Variants in SP110 observed in about 807,000 individuals in gnomAD.
SP110 encodes the protein SP110 nuclear body protein.
SP110 carries 62 observed loss-of-function variants against 92.7 expected under a neutral mutation model. That is an observed-to-expected ratio of 0.67 (90% confidence interval 0.55 to 0.83). The LOEUF (loss-of-function observed/expected upper bound fraction) is 0.83. SP110 is among the 40% of genes least tolerant of loss of function. The pLI is 0.00. For synonymous variants in SP110, 273 were observed against 305.3 expected (o/e 0.89, Z 1.10); for missense variants, 793 against 863.9 (o/e 0.92, Z 1.03).
At position 230,200,970 on chromosome 2, in the gene SP110, A is replaced by G. The variant is rs774279478; in HGVS notation, c.1049-5T>C. The G allele has an allele frequency of 1.9e-6, 3 of 1,609,366 alleles. No homozygotes were observed. Among genetic ancestry groups the G allele is most frequent in the African/African-American group, 2.7e-5 (2 of 74,952 alleles). On this transcript the variant is annotated splice_region_variant and splice_polypyrimidine_tract_variant and intron_variant, in intron 9 of 18. Transcript: ENST00000258381. ...CTGAAGTGCCATCAATGATCTCTGG[A>G]AAATGAAAGATCTTAGTAAATGCCC...
Position 230,204,511 on chromosome 2 carries a change from A to G in SP110, c.899-1783T>C, listed in dbSNP as rs2043541784. Among the ~76,000 whole-genome samples the G allele has an allele frequency of 2.6e-5, 4 of 152,142 alleles. No individual in the cohort carries two copies. The South Asian group carries it at 8.3e-4, about 31-fold the overall frequency. ...ACACCACGTGGTGCCCATAATGTCT[A>G]TGACCCCTTTTCATAACACAATAAT... On this transcript the variant is annotated intron_variant, in intron 8 of 18. Coordinates refer to ENST00000258381, the MANE Select transcript of SP110 (RefSeq NM_080424.4).
chr2:230,198,567 G>A (rs2042983138), intron 10 of SP110, among the ~76,000 whole-genome samples: 2 of 152,084 alleles, frequency 1.3e-5, no homozygotes, highest in African/African-American at 4.8e-5. Context: ...GTGTGGCCGT[G>A]CAACCAGTCC....
rs192671550 is a variant in SP110 at position 230,172,824 on chromosome 2, C to G, written c.1706+20G>C. ...GGAGGTGAGTGCTGTGTGCCCGAGG[C>G]GGGGCTGCATCCCACTCACCTCTTG... On this transcript the variant is annotated intron_variant, in intron 15 of 18. Coordinates refer to ENST00000258381, the MANE Select transcript of SP110 (RefSeq NM_080424.4). The G allele has an allele frequency of 2.0e-6, 3 of 1,522,436 alleles. No individual in the cohort carries two copies. Among genetic ancestry groups the G allele is most frequent in the Non-Finnish European group, 2.7e-6 (3 of 1,096,658 alleles). 94.3% of individuals were successfully genotyped at this position (1,522,436 alleles called of 1,614,324 possible). A position where few individuals can be genotyped will look rare whatever the true frequency, so the allele number is the denominator to read the frequency against.
chr2:230,215,083 T>C lies in SP110; in HGVS notation c.183A>G (p.Val61=), dbSNP rs755884586. 1 of 1,613,916 alleles carries C rather than the reference T, an allele frequency of 6.2e-7. No individual in the cohort carries two copies. The change falls in exon 3 of 19, where the codon GTA becomes GTG. Residue 61 remains valine, a synonymous_variant. Coordinates refer to ENST00000258381, the MANE Select transcript of SP110 (RefSeq NM_080424.4). ...SLEACRNLIP[V]SRVVHNILTQ... Reference sequence around the variant, plus strand: ...TGAGAATGTTGTGCACCACTCTGGATACAGGGATCAAATTTCTACAGGCTT... The same window carrying C: ...TGAGAATGTTGTGCACCACTCTGGACACAGGGATCAAATTTCTACAGGCTT...
intron 16 of SP110, 67 bp from the exon 17 acceptor site, chr2:230,171,834 T>A: frequency 8.0e-7 from 1 of 1,251,830 alleles, no homozygotes; most frequent in Non-Finnish European, 1.2e-6. Context: ...GGCGAGTGTC[T>A]AGACATGCAC....
Position 230,170,524 on chromosome 2 carries a change from A to G in SP110, c.2028+97T>C, listed in dbSNP as rs2078409090. 1.3e-5 allele frequency: 18 copies of G among 1,418,078 alleles called. No homozygotes were observed. The East Asian group carries it at 4.1e-4, about 33-fold the overall frequency. 87.8% of individuals were successfully genotyped at this position (1,418,078 alleles called of 1,614,324 possible). ...TCCTTGTCTTGTTTGAGCTCTCCCC[A>G]GGCTGAAACTGAGTGTAATACTTGC... is the stretch of plus-strand genomic sequence containing the variant. On this transcript the variant is annotated intron_variant, in intron 18 of 18. Transcript: ENST00000258381.
intron 10 of SP110, among the ~76,000 whole-genome samples, chr2:230,192,063 G>C (rs2042657047): frequency 2.6e-5 from 4 of 152,084 alleles, no homozygotes; most frequent in Admixed American, 2.6e-4. Context: ...ATGCAGAAAA[G>C]GCCTTTGATA....
chr2:230,206,175 A>G (rs770213429), intron 8 of SP110, among the ~76,000 whole-genome samples: 10 of 152,170 alleles, frequency 6.6e-5, no homozygotes, highest in Non-Finnish European at 1.5e-5. Context: ...TTAGGCTGCC[A>G]TCTATTGCTC....
Position 230,168,731 on chromosome 2 carries a change from C to A in SP110, c.*393G>T. 5.8e-6 allele frequency: 1 copy of A among 171,814 alleles called. No individual in the cohort carries two copies. The highest frequency in any genetic ancestry group is 1.3e-5 in the Non-Finnish European group (1 of 78,956). The allele number at this position is 171,814 out of a possible 1,614,324, so 10.6% of individuals were successfully genotyped here. ...GCAAAAAATGTAATAGGACCAAAAC[C>A]CTGAGTTCTTCAATAAATACATGAC... is the stretch of plus-strand genomic sequence containing the variant. On this transcript the variant is annotated 3_prime_UTR_variant, in exon 19 of 19. Transcript: ENST00000258381.
chr2:230,177,457 T>C, intron 14 of SP110, 81 bp downstream of exon 14: 1 of 1,388,674 alleles, frequency 7.2e-7, no homozygotes, highest in Admixed American at 1.7e-5. Context: ...TAACGGGAGC[T>C]CTTCACATTT....
upstream of SP110, among the ~76,000 whole-genome samples, chr2:230,223,098 G>A (rs368553787): frequency 5.0e-4 from 76 of 150,518 alleles, no homozygotes; most frequent in African/African-American, 1.8e-3. Context: ...GTGCTGTGGC[G>A]CAATCTTGGC....
chr2:230,170,527 C>A (rs2078409191), intron 18 of SP110, 94 bp downstream of exon 18: 5 of 1,453,458 alleles, frequency 3.4e-6, no homozygotes, highest in African/African-American at 1.4e-5. Context: ...TCTCCCCAGG[C>A]TGAAACTGAG....
At position 230,199,937 on chromosome 2, in the gene SP110, C is replaced by G. The variant is rs1408485772; in HGVS notation, c.1129+948G>C. Among the ~76,000 whole-genome samples, 4 of 152,086 alleles carry G rather than the reference C, an allele frequency of 2.6e-5. No individual in the cohort carries two copies. In the East Asian group the frequency reaches 7.7e-4, roughly 29 times the overall value. On this transcript the variant is annotated intron_variant, in intron 10 of 18. Coordinates refer to ENST00000258381, the MANE Select transcript of SP110 (RefSeq NM_080424.4). ...GTTGTTAACCCGGTGGCAGCCAGCCCTTACCCAGGGGATCCTGAAAAAAAT... is the reference window on the plus strand; with the variant it reads ...GTTGTTAACCCGGTGGCAGCCAGCCGTTACCCAGGGGATCCTGAAAAAAAT...
intron 14 of SP110, chr2:230,176,390 A>G (rs41309112): frequency 0.068 from 81,948 of 1,201,394 alleles, 3,163 homozygotes; most frequent in Middle Eastern, 0.086. Flanking sequence ...TATGTTGCCT[A>G]GGCTTAGAGC....
In SP110 at chr2:230,184,487, G is replaced by A. The variant is rs185673772; in HGVS notation, c.1280-847C>T. Among the ~76,000 whole-genome samples the A allele has an allele frequency of 1.7e-3, 255 of 152,250 alleles. 4 individuals are homozygous for A. The South Asian group carries it at 0.024, about 15-fold the overall frequency. On this transcript the variant is annotated intron_variant, in intron 11 of 18. Coordinates refer to ENST00000258381, the MANE Select transcript of SP110 (RefSeq NM_080424.4). Reference sequence around the variant, plus strand: ...TCGCTAAACATCCCATGACACACACGACAGCCTCCGAAGCAAAGAATTATT... The same window carrying A: ...TCGCTAAACATCCCATGACACACACAACAGCCTCCGAAGCAAAGAATTATT...
intron 10 of SP110, among the ~76,000 whole-genome samples, chr2:230,195,115 G>T (rs943099534): frequency 1.3e-5 from 2 of 151,242 alleles, no homozygotes; most frequent in African/African-American, 4.9e-5. Flanking sequence ...TTCTAAAAAA[G>T]AAAAAACCCA....
intron 10 of SP110, among the ~76,000 whole-genome samples, chr2:230,196,178 G>A (rs73100079): frequency 0.028 from 4,219 of 152,192 alleles, 197 homozygotes; most frequent in African/African-American, 0.096. Context: ...TTAAGATATA[G>A]ATTTTAACCA....
chr2:230,200,416 C>G (rs1321681279), intron 10 of SP110: 1 of 186,300 alleles, frequency 5.4e-6, no homozygotes, highest in Non-Finnish European at 1.1e-5. Context: ...GTCATAGTGT[C>G]ACATGTGTGT....
chr2:230,178,043 G>A (rs374726798), intron 13 of SP110, 114 bp downstream of exon 13: 2 of 741,870 alleles, frequency 2.7e-6, no homozygotes, highest in Middle Eastern at 2.3e-4. Context: ...CGTTTCTTCT[G>A]CAGTCTAGCT....
Sources: allele counts gnomAD v4.1 joint callset (sites outside exome capture counted in the v4.1 genomes callset), GRCh38; gene constraint gnomAD v4.1.1; transcripts MANE v1.5; gene names NCBI Gene and HGNC (gene_info 2026-07-23, HGNC 2026-07-21).